The following CCT4 variants were observed in gnomAD, a reference collection of about 807,000 sequenced individuals.
CCT4 encodes chaperonin containing TCP1 subunit 4.
A neutral mutation model predicts 62.5 loss-of-function variants in CCT4; 17 were observed. The ratio of observed to expected loss-of-function variants is 0.27; its 90% CI spans 0.19 to 0.41. The LOEUF is 0.41. Ranked by LOEUF, CCT4 falls within the 10% of genes least tolerant of loss-of-function variation. CCT4 has a pLI of 1.00. For synonymous variants in CCT4, 250 were observed against 229.9 expected, an observed-to-expected ratio of 1.09 and a Z score of -0.79; for missense variants, 592 against 659.2, an observed-to-expected ratio of 0.90 and a Z score of 1.12.
Position 61,878,950 on chromosome 2 carries a change from G to C in CCT4, c.441C>G (p.Ile147Met). ...CCACAGGTCGAGACATGTCAGTCAA[G>C]ATTTCAATGCCCTTTTCCAGGGCCT... ...FQKALEKGIEILTDMSRPVEL... is the reference protein window; with the variant it reads ...FQKALEKGIEMLTDMSRPVEL... Residue 147 changes from isoleucine to methionine, a missense_variant, in exon 5 of 14, where the codon ATC becomes ATG. Ile to Met is a conservative substitution (Grantham distance 10, BLOSUM62 1). This residue lies in a region of CCT4 where 522 missense variants were observed against 571.2 expected (regional missense o/e 0.91). Transcript: ENST00000394440. The C allele has an allele frequency of 6.2e-7, 1 of 1,610,922 alleles. No individual in the cohort carries two copies. Among genetic ancestry groups the C allele is most frequent in the Non-Finnish European group, 8.5e-7 (1 of 1,177,954 alleles).
intron 3 of CCT4, among the ~76,000 whole-genome samples, chr2:61,882,438 A>C (rs923337089): frequency 6.6e-6 from 1 of 152,176 alleles, no homozygotes; most frequent in Non-Finnish European, 1.5e-5. Context: ...GCTATGCACC[A>C]TACCCTAATA....
At position 61,872,239 on chromosome 2, in the gene CCT4, C is replaced by T. The variant is rs985860647; in HGVS notation, c.1334G>A (p.Gly445Asp). Reference sequence around the variant, plus strand: ...AGCACGAACGCAGTAGGATTCCATACCACTCAGTGTTCGTGAATATTCAGT... The same window carrying T: ...AGCACGAACGCAGTAGGATTCCATATCACTCAGTGTTCGTGAATATTCAGT... ...RLTEYSRTLS[G>D]MESYCVRAFA... Residue 445 changes from glycine (G) to aspartate (D), a missense_variant, in exon 12 of 14, where the codon GGT (glycine) becomes GAT (aspartate). Gly to Asp is a moderately conservative substitution (Grantham distance 94). Around this residue, in one of 3 missense-constraint regions of CCT4, gnomAD observed 522 missense variants for 571.2 expected, o/e 0.91. Coordinates refer to ENST00000394440, the MANE Select transcript of CCT4 (RefSeq NM_006430.4). 6.2e-7 allele frequency: 1 copy of T among 1,613,690 alleles called. No homozygotes were observed. The highest frequency in any genetic ancestry group is 1.1e-5 in the South Asian group (1 of 91,054).
chr2:61,872,055 T>C (rs779010252), intron 12 of CCT4, 27 bp downstream of exon 12: 1 of 1,439,942 alleles, frequency 6.9e-7, no homozygotes, highest in East Asian at 2.3e-5. Flanking sequence ...TAATCAATAT[T>C]TTCTACATTA....
intron 3 of CCT4, among the ~76,000 whole-genome samples, chr2:61,880,913 C>T (rs1048393404): frequency 6.6e-6 from 1 of 151,886 alleles, no homozygotes; most frequent in Admixed American, 6.6e-5. Flanking sequence ...TTTTTAGAGA[C>T]GGGGCCCCAT....
In CCT4 at chr2:61,872,444, A is replaced by G. The variant is rs770240996; in HGVS notation, c.1256+14T>C. On this transcript the variant is annotated intron_variant, in intron 11 of 13. Transcript: ENST00000394440. ...TGTTCAAAATGTTACTTAATAATGT[A>G]ACACTGACATTACCTCTTCTTCACT... The G allele has an allele frequency of 1.3e-6, 2 of 1,597,392 alleles. No homozygotes were observed. The highest frequency in any genetic ancestry group is 2.3e-5 in the South Asian group (2 of 88,414).
intron 4 of CCT4, among the ~76,000 whole-genome samples, chr2:61,879,439 A>ATT (rs35177149): frequency 0.014 from 1,474 of 103,514 alleles, 31 homozygotes; most frequent in African/African-American, 0.048. Flanking sequence ...TTTTTTTTGT[A>ATT]TTTTTTTTTT....
At chr2:61,868,762 GA>G in intron 13 of CCT4, 56 bp from the exon 14 acceptor site, 2 of 1,293,250 alleles carry the variant, frequency 1.5e-6, no homozygotes, top group Non-Finnish European at 1.1e-6. Flanking sequence ...TTTAAAGCTG[GA>G]AAATGTTTAA....
chr2:61,870,656 C>T (rs974448018), intron 12 of CCT4, among the ~76,000 whole-genome samples: 1 of 152,172 alleles, frequency 6.6e-6, no homozygotes, highest in Non-Finnish European at 1.5e-5. Flanking sequence ...CCGTGGCTCA[C>T]GCCTATAATC....
chr2:61,876,647 C>T (rs889247748), intron 7 of CCT4, among the ~76,000 whole-genome samples: 6 of 152,154 alleles, frequency 3.9e-5, no homozygotes, highest in Non-Finnish European at 8.8e-5. Flanking sequence ...CAACCTCAAA[C>T]TCCTAGGTTC....
chr2:61,873,982 G>A (rs537524406), intron 8 of CCT4, among the ~76,000 whole-genome samples: 1 of 152,166 alleles, frequency 6.6e-6, no homozygotes, highest in East Asian at 1.9e-4. Context: ...TTACAGGCAT[G>A]AGCCACTGTG....
intron 12 of CCT4, 39 bp downstream of exon 12, chr2:61,872,043 A>G: frequency 7.3e-7 from 1 of 1,366,618 alleles, no homozygotes; most frequent in Non-Finnish European, 1.0e-6. Flanking sequence ...AATATTTTAA[A>G]TTAATCAATA....
Position 61,877,525 on chromosome 2 carries a change from T to G in CCT4, c.523-11A>C. The G allele has an allele frequency of 7.6e-7, 1 of 1,309,808 alleles. No homozygotes were observed. The highest frequency in any genetic ancestry group is 1.0e-6 in the Non-Finnish European group (1 of 978,084). The allele number at this position is 1,309,808 out of a possible 1,614,324, so 81.1% of individuals were successfully genotyped here. On this transcript the variant is annotated splice_polypyrimidine_tract_variant and intron_variant, in intron 5 of 13. Transcript: ENST00000394440. ...ATACTGAGAAACCACCTAGAATTATTAAAAAAAAAAAAAAGTTACCTTCAC... is the reference window on the plus strand; with the variant it reads ...ATACTGAGAAACCACCTAGAATTATGAAAAAAAAAAAAAAGTTACCTTCAC...
At chr2:61,876,357 T>G in intron 7 of CCT4, 123 bp from the exon 8 acceptor site, 1 of 633,584 alleles carries the variant, frequency 1.6e-6, no homozygotes, top group South Asian at 2.9e-5. Flanking sequence ...TAATAAATTA[T>G]ATAGACATGC....
Position 61,876,191 on chromosome 2 carries a change from C to T in CCT4, c.821G>A (p.Arg274Gln), listed in dbSNP as rs921941669. ...ATAGGCTCTCTCTTCTCGCAGCACT[C>T]GGTCCATCTGGGCATAGTCAGAAAC... ...IVVSDYAQMD[R>Q]VLREERAYIL... The change falls in exon 8 of 14, where the codon CGA (arginine) becomes CAA (glutamine). Residue 274 changes from arginine to glutamine, a missense_variant. Arg to Gln is a conservative substitution (Grantham distance 43, BLOSUM62 1). This residue lies in a region of CCT4 where 522 missense variants were observed against 571.2 expected (regional missense o/e 0.91). Transcript: ENST00000394440. 12 of 1,610,130 alleles carry T rather than the reference C, an allele frequency of 7.5e-6. No individual in the cohort carries two copies. The highest frequency in any genetic ancestry group is 1.7e-5 in the Admixed American group (1 of 59,858).
At chr2:61,887,235 A>C (rs1002578258) in intron 1 of CCT4, among the ~76,000 whole-genome samples, 4 of 152,302 alleles carry the variant, frequency 2.6e-5, no homozygotes, top group Middle Eastern at 3.4e-3. Flanking sequence ...GTTAGAAACT[A>C]TTACTTTTTC....
rs974877146 is a variant in CCT4 at position 61,888,638 on chromosome 2, G to A, written c.-131C>T. ...CCAGAAAGCGGCGCCGGCGTCGGGA[G>A]GAGGCGGAGGCGGAGAAGGGGGCCT... On this transcript the variant is annotated 5_prime_UTR_variant, in exon 1 of 14. Transcript: ENST00000394440. 1.7e-5 allele frequency: 18 copies of A among 1,072,010 alleles called. No individual in the cohort carries two copies. The highest frequency in any genetic ancestry group is 2.2e-5 in the Non-Finnish European group (17 of 773,040). The allele number at this position is 1,072,010 out of a possible 1,614,324, so 66.4% of individuals were successfully genotyped here. A position where few individuals can be genotyped will look rare whatever the true frequency, so the allele number is the denominator to read the frequency against.
chr2:61,877,496 T>G lies in CCT4; in HGVS notation c.541A>C (p.Ser181Arg), dbSNP rs550508439. ...LNSKVVSQYSSLLSPMSVNAV... is the reference protein window; with the variant it reads ...LNSKVVSQYSRLLSPMSVNAV... ...TTTACACTCATTGGAGAAAGCAGAC[T>G]TGAATACTGAGAAACCACCTAGAAT... The change falls in exon 6 of 14, where the codon AGT (serine) becomes CGT (arginine). Residue 181 changes from serine to arginine, a missense_variant. Coordinates refer to ENST00000394440, the MANE Select transcript of CCT4 (RefSeq NM_006430.4). 1 of 1,590,482 alleles carries G rather than the reference T, an allele frequency of 6.3e-7. No individual in the cohort carries two copies. Among genetic ancestry groups the G allele is most frequent in the East Asian group, 2.2e-5 (1 of 44,708 alleles).
chr2:61,883,710 G>A (rs1020809474), intron 2 of CCT4, among the ~76,000 whole-genome samples, 162 bp from the exon 3 acceptor site: 10 of 150,712 alleles, frequency 6.6e-5, no homozygotes, highest in African/African-American at 2.4e-4. Context: ...CGCAATAACA[G>A]TCCAACTTTA....
At chr2:61,878,035 T>C (rs115823106) in intron 5 of CCT4, among the ~76,000 whole-genome samples, 547 of 152,266 alleles carry the variant, frequency 3.6e-3, no homozygotes, top group African/African-American at 0.013. Context: ...GTGAAGTCAG[T>C]ACTGAACAAA....
Sources: allele counts gnomAD v4.1 joint callset (sites outside exome capture counted in the v4.1 genomes callset), GRCh38; gene constraint gnomAD v4.1.1; regional missense constraint gnomAD v4.1.1; transcripts MANE v1.5; gene names NCBI Gene and HGNC (gene_info 2026-07-23, HGNC 2026-07-21).